TP63: variants seen among roughly 807,000 people sequenced by gnomAD.
TP63 encodes tumor protein 63.
In TP63, 17 loss-of-function variants were observed where a neutral mutation model predicts 82.8. The ratio of observed to expected loss-of-function variants is 0.21; its 90% CI spans 0.14 to 0.31. The LOEUF (loss-of-function observed/expected upper bound fraction) is 0.31, where lower values mean the gene tolerates loss of function less well. TP63 is among the 10% of genes least tolerant of loss of function. The probability of loss-of-function intolerance (pLI) is 1.00; values close to 1 mark genes in which losing one functional copy is unlikely to be tolerated. For synonymous variants in TP63, 330 were observed against 321.7 expected, an observed-to-expected ratio of 1.03 and a Z score of -0.28; for missense variants, 648 against 895.3, an observed-to-expected ratio of 0.72 and a Z score of 3.52.
intron 1 of TP63, among the ~76,000 whole-genome samples, chr3:189,672,935 C>T (rs962691216): frequency 6.6e-6 from 1 of 151,908 alleles, no homozygotes; most frequent in African/African-American, 2.4e-5. Context: ...CTGCCTTCCA[C>T]GTTCAAGCAA....
intron 3 of TP63, among the ~76,000 whole-genome samples, chr3:189,762,204 AT>A (rs749932228): frequency 1.3e-5 from 2 of 152,288 alleles, no homozygotes; most frequent in East Asian, 3.9e-4. Flanking sequence ...ACAGATGCAA[AT>A]TTCCCCCCAC....
chr3:189,625,801 C>T, the TP63 span, among the ~76,000 whole-genome samples: 1 of 152,134 alleles, frequency 6.6e-6, no homozygotes, highest in Admixed American at 6.6e-5. Context: ...TGAGGAGCAG[C>T]CCCCACACAG....
the TP63 span, among the ~76,000 whole-genome samples, chr3:189,596,957 C>T: frequency 0.99 from 149,786 of 151,952 alleles, 73,862 homozygotes; most frequent in Middle Eastern, 1. Flanking sequence ...TTAAGAACTT[C>T]AACACTCACT....
the TP63 span, among the ~76,000 whole-genome samples, chr3:189,610,994 C>T: frequency 6.6e-6 from 1 of 152,164 alleles, no homozygotes; most frequent in Non-Finnish European, 1.5e-5. Flanking sequence ...ATAATAACAG[C>T]ATGGGAAGGA....
chr3:189,777,668 C>G (rs572172131), intron 3 of TP63, among the ~76,000 whole-genome samples: 15 of 151,718 alleles, frequency 9.9e-5, no homozygotes, highest in African/African-American at 3.6e-4. Context: ...CTCTCTGTTC[C>G]CATAGAACTA....
chr3:189,709,709 G>T (rs1270521959), intron 1 of TP63, among the ~76,000 whole-genome samples: 4 of 152,098 alleles, frequency 2.6e-5, no homozygotes, highest in African/African-American at 9.7e-5. Context: ...CTCAATAAAT[G>T]TTCTTCAGAT....
chr3:189,812,706 C>T (rs1290883330), intron 4 of TP63, among the ~76,000 whole-genome samples: 1 of 152,122 alleles, frequency 6.6e-6, no homozygotes, highest in East Asian at 1.9e-4. Context: ...TGTAAACATA[C>T]CTATTAGCAC....
intron 1 of TP63, among the ~76,000 whole-genome samples, chr3:189,633,857 C>A (rs1170370405): frequency 3.3e-5 from 5 of 152,090 alleles, no homozygotes; most frequent in African/African-American, 9.7e-5. Context: ...ATACAAAAAC[C>A]AATTAGATGT....
chr3:189,704,439 A>T (rs1012156892), intron 1 of TP63, among the ~76,000 whole-genome samples: 2 of 152,178 alleles, frequency 1.3e-5, no homozygotes, highest in African/African-American at 4.8e-5. Context: ...TATTGTTCAG[A>T]TTTCACTTTA....
At chr3:189,660,623 A>G (rs1156435545) in intron 1 of TP63, among the ~76,000 whole-genome samples, 1 of 152,074 alleles carries the variant, frequency 6.6e-6, no homozygotes, top group African/African-American at 2.4e-5. Flanking sequence ...TTTGATAAGG[A>G]TAATGTTGAA....
chr3:189,665,959 G>A (rs1466376097), intron 1 of TP63, among the ~76,000 whole-genome samples: 3 of 152,032 alleles, frequency 2.0e-5, no homozygotes, highest in Non-Finnish European at 4.4e-5. Context: ...TTAAAAAAGT[G>A]TAAGCACTGC....
chr3:189,616,689 A>G, the TP63 span, among the ~76,000 whole-genome samples: 2 of 152,182 alleles, frequency 1.3e-5, no homozygotes, highest in Non-Finnish European at 2.9e-5. Flanking sequence ...GGTTGATTTT[A>G]TGACTTAGAA....
At chr3:189,880,449 A>G in intron 10 of TP63, 1 of 1,065,156 alleles carries the variant, frequency 9.4e-7, no homozygotes, top group Non-Finnish European at 1.1e-6. Flanking sequence ...TTTGTCTGTG[A>G]GCTTTCTGTT....
intron 1 of TP63, among the ~76,000 whole-genome samples, chr3:189,635,558 T>C (rs1729723982): frequency 6.6e-6 from 1 of 152,058 alleles, no homozygotes; most frequent in African/African-American, 2.4e-5. Context: ...GGAATATTGG[T>C]TTCCCTGGCT....
the TP63 span, among the ~76,000 whole-genome samples, chr3:189,598,634 C>G: frequency 1.3e-5 from 2 of 152,160 alleles, no homozygotes; most frequent in African/African-American, 4.8e-5. Context: ...GATATCAGCC[C>G]GATAACAGAA....
In TP63 at chr3:189,872,849, A is replaced by G. The variant is rs1383469520; in HGVS notation, c.1213-10A>G. 4 of 1,614,166 alleles carry G rather than the reference A, an allele frequency of 2.5e-6. No individual in the cohort carries two copies. The highest frequency in any genetic ancestry group is 1.6e-4 in the Middle Eastern group (1 of 6,062). ...CATGTTTCCTTCTTTCCTTCTGCTC[A>G]CTTCCATAGGTGAGGGGCCGTGAGA... On this transcript the variant is annotated splice_polypyrimidine_tract_variant and intron_variant, in intron 9 of 13. Transcript: ENST00000264731.
Position 189,872,868 on chromosome 3 carries a change from C to T in TP63, c.1222C>T (p.Arg408Cys), listed in dbSNP as rs1282887680. The T allele has an allele frequency of 5.0e-6, 8 of 1,614,026 alleles. No individual in the cohort carries two copies. Among genetic ancestry groups the T allele is most frequent in the Non-Finnish European group, 5.9e-6 (7 of 1,179,982 alleles). Residue 408 changes from arginine (R) to cysteine (C), a missense_variant, in exon 10 of 14, where the codon CGT (arginine) becomes TGT (cysteine). By Grantham distance (180) the Arg-to-Cys change is radical. This residue lies in a region of TP63 where 342 missense variants were observed against 425.7 expected (regional missense o/e 0.80). Coordinates refer to ENST00000264731, the MANE Select transcript of TP63 (RefSeq NM_003722.5). ...DELLYLPVRG[R>C]ETYEMLLKIK... ...CTGCTCACTTCCATAGGTGAGGGGC[C>T]GTGAGACTTATGAAATGCTGTTGAA...
Position 189,867,946 on chromosome 3 carries a change from A to C in TP63, c.992+4A>C, listed in dbSNP as rs534974406. On this transcript the variant is annotated splice_donor_region_variant and intron_variant, in intron 7 of 13. Coordinates refer to ENST00000264731, the MANE Select transcript of TP63 (RefSeq NM_003722.5). The stretch of plus-strand genomic sequence containing the variant: ...TTGTTACTCTGGAAACCAGAGAGTA[A>C]GTGGCGTATGTAAAATTGTCATTCT... 501 of 1,612,058 alleles carry C rather than the reference A, an allele frequency of 3.1e-4. 7 individuals carry two copies. The South Asian group carries it at 4.9e-3, about 16-fold the overall frequency.
intron 2 of TP63, among the ~76,000 whole-genome samples, chr3:189,738,412 G>A (rs530283137): frequency 2.6e-5 from 4 of 152,134 alleles, no homozygotes; most frequent in Admixed American, 1.3e-4. Context: ...ATTATCTGAG[G>A]AGGGCAGAGG....
Sources: gnomAD v4.1 joint callset for allele counts (sites outside exome capture counted in the v4.1 genomes callset) on GRCh38, gnomAD v4.1.1 for gene constraint, gnomAD v4.1.1 regional missense constraint, MANE v1.5 for transcripts, NCBI Gene and HGNC (gene_info 2026-07-23, HGNC 2026-07-21) for gene names.